Variants in TMEM181 observed in about 807,000 individuals in gnomAD.
TMEM181 encodes G protein-coupled receptor 178.
TMEM181 carries 39 observed loss-of-function variants against 71.9 expected under a neutral mutation model. The observed-to-expected ratio is 0.54, with a 90% CI of 0.42 to 0.71. The LOEUF is 0.71. Ranked by LOEUF, TMEM181 falls within the 30% of genes least tolerant of loss-of-function variation. TMEM181 has a pLI of 0.00. For missense variants in TMEM181, 595 were observed against 583.0 expected, an observed-to-expected ratio of 1.02 and a Z score of -0.21; for synonymous variants, 245 against 228.8, an observed-to-expected ratio of 1.07 and a Z score of -0.64.
chr6:158,594,215 T>C lies in TMEM181; in HGVS notation c.492+4433T>C, dbSNP rs145071091. Among the ~76,000 whole-genome samples, 184 of 151,006 alleles carry C rather than the reference T, an allele frequency of 1.2e-3. 1 individual carries two copies. Among genetic ancestry groups the C allele is most frequent in the African/African-American group, 3.9e-3 (162 of 41,156 alleles). ...CCAGGTTCAAGTGATTCTCATACCT[T>C]AGCCTCCTGGGTAGCTGGGATTACA... is the stretch of plus-strand genomic sequence containing the variant. On this transcript the variant is annotated intron_variant, in intron 6 of 16. Coordinates refer to ENST00000684151, the MANE Select transcript of TMEM181 (RefSeq NM_001376852.1).
At chr6:158,549,022 A>G (rs1781633525) in intron 1 of TMEM181, among the ~76,000 whole-genome samples, 1 of 152,060 alleles carries the variant, frequency 6.6e-6, no homozygotes, top group African/African-American at 2.4e-5. Flanking sequence ...GTTATTGTAA[A>G]TTCCAGAAAC....
chr6:158,605,127 A>G (rs1784871673), intron 6 of TMEM181, 140 bp from the exon 7 acceptor site: 2 of 446,936 alleles, frequency 4.5e-6, no homozygotes, highest in Admixed American at 9.0e-5. Flanking sequence ...AAAAAAAAAA[A>G]AAAAGTGTGT....
intron 6 of TMEM181, among the ~76,000 whole-genome samples, chr6:158,599,649 C>T (rs1013243318): frequency 7.2e-5 from 11 of 152,244 alleles, no homozygotes; most frequent in Non-Finnish European, 2.9e-5. Flanking sequence ...CGGGACGGAA[C>T]GACCTCTACT....
At chr6:158,628,518 T>C (rs772683132) in intron 14 of TMEM181, 28 bp downstream of exon 14, 5 of 1,603,016 alleles carry the variant, frequency 3.1e-6, no homozygotes, top group African/African-American at 1.3e-5. Context: ...GGGCCCTGGC[T>C]GCAGGACGCC....
At chr6:158,607,797 C>T (rs764813269) in intron 8 of TMEM181, among the ~76,000 whole-genome samples, 3 of 152,232 alleles carry the variant, frequency 2.0e-5, no homozygotes, top group Non-Finnish European at 4.4e-5. Context: ...CATGTTCCAC[C>T]GAGCTGGGGC....
At chr6:158,549,110 CTTTTTTTT>C (rs33969411) in intron 1 of TMEM181, among the ~76,000 whole-genome samples, 9 of 67,522 alleles carry the variant, frequency 1.3e-4, no homozygotes, top group Middle Eastern at 8.1e-3. Flanking sequence ...GTGCACACTT[CTTTTTTTT>C]TTTTTTTTTT....
intron 1 of TMEM181, among the ~76,000 whole-genome samples, chr6:158,537,535 C>T (rs2128275904): frequency 6.6e-6 from 1 of 152,338 alleles, no homozygotes; most frequent in South Asian, 2.1e-4. Context: ...GGCCCCCGCC[C>T]CCTTCCTCTC....
At chr6:158,576,407 C>T (rs1257014769) in intron 2 of TMEM181, among the ~76,000 whole-genome samples, 22 of 152,070 alleles carry the variant, frequency 1.4e-4, no homozygotes, top group Non-Finnish European at 2.9e-5. Context: ...GTTGTACCTC[C>T]CTCAATTGTT....
intron 10 of TMEM181, among the ~76,000 whole-genome samples, chr6:158,617,198 T>TGG (rs962366566): frequency 2.6e-5 from 4 of 152,222 alleles, no homozygotes; most frequent in African/African-American, 9.7e-5. Context: ...AGCTTCTTCC[T>TGG]GGTTTCGTCT....
intron 10 of TMEM181, among the ~76,000 whole-genome samples, chr6:158,619,524 G>A (rs897300477): frequency 6.6e-6 from 1 of 152,186 alleles, no homozygotes; most frequent in African/African-American, 2.4e-5. Flanking sequence ...TCAGAGGAAG[G>A]AGTTTTGGAG....
chr6:158,589,010 C>T (rs1234459944), intron 5 of TMEM181, among the ~76,000 whole-genome samples: 1 of 152,130 alleles, frequency 6.6e-6, no homozygotes, highest in African/African-American at 2.4e-5. Context: ...GAGGGTTTGT[C>T]CTCCCTGCCA....
chr6:158,625,449 C>T (rs920673476), intron 12 of TMEM181, among the ~76,000 whole-genome samples: 4 of 152,124 alleles, frequency 2.6e-5, no homozygotes, highest in African/African-American at 9.7e-5. Context: ...CAGAGCAGGG[C>T]GAGTCACCCT....
intron 6 of TMEM181, among the ~76,000 whole-genome samples, chr6:158,598,074 T>G (rs1784477399): frequency 6.6e-6 from 1 of 152,216 alleles, no homozygotes; most frequent in Non-Finnish European, 1.5e-5. Context: ...CACTGGCACT[T>G]GTGGGATGAC....
chr6:158,586,261 A>G (rs1344224347), intron 5 of TMEM181, among the ~76,000 whole-genome samples: 1 of 152,190 alleles, frequency 6.6e-6, no homozygotes, highest in African/African-American at 2.4e-5. Flanking sequence ...CGAGGAGTCC[A>G]CCTCAGGCAC....
intron 1 of TMEM181, among the ~76,000 whole-genome samples, chr6:158,544,112 G>A (rs557624485): frequency 1.3e-5 from 2 of 151,778 alleles, no homozygotes; most frequent in South Asian, 4.2e-4. Context: ...CCGTCTCCCC[G>A]GCAGAGGTGT....
At chr6:158,579,256 T>C (rs1479818455) in intron 2 of TMEM181, among the ~76,000 whole-genome samples, 2 of 131,186 alleles carry the variant, frequency 1.5e-5, no homozygotes, top group African/African-American at 5.9e-5. Flanking sequence ...TGAAACTCCG[T>C]CTCAAAATTA....
At chr6:158,570,795 G>C (rs748638859) in intron 1 of TMEM181, among the ~76,000 whole-genome samples, 1 of 151,916 alleles carries the variant, frequency 6.6e-6, no homozygotes, top group Non-Finnish European at 1.5e-5. Context: ...TGAACTAAAG[G>C]CTTTATTTGC....
intron 8 of TMEM181, 79 bp from the exon 9 acceptor site, chr6:158,608,254 C>T (rs1785072784): frequency 6.6e-7 from 1 of 1,505,578 alleles, no homozygotes; most frequent in Admixed American, 2.0e-5. Context: ...AGGTGCTGAC[C>T]CCGCAGAGGT....
chr6:158,595,433 G>A (rs1382341759), intron 6 of TMEM181, among the ~76,000 whole-genome samples: 2 of 152,210 alleles, frequency 1.3e-5, no homozygotes, highest in Admixed American at 6.5e-5. Flanking sequence ...GCTGGGGAGC[G>A]TGTAAATTGA....
Sources: allele counts gnomAD v4.1 joint callset (sites outside exome capture counted in the v4.1 genomes callset), GRCh38; gene constraint gnomAD v4.1.1; transcripts MANE v1.5; gene names NCBI Gene and HGNC (gene_info 2026-07-23, HGNC 2026-07-21).